SLC7A14: variants seen among roughly 807,000 people sequenced by gnomAD.
SLC7A14 encodes the protein solute carrier family 7 member 14.
A neutral mutation model predicts 60.2 loss-of-function variants in SLC7A14; 37 were observed. The ratio of observed to expected loss-of-function variants is 0.61; its 90% CI spans 0.47 to 0.81. SLC7A14 has a LOEUF of 0.81. Ranked by LOEUF, SLC7A14 falls within the 30% of genes least tolerant of loss-of-function variation. The pLI is 0.00. For synonymous variants in SLC7A14, 399 were observed against 395.8 expected (o/e 1.01, Z -0.10); for missense variants, 886 against 982.7 (o/e 0.90, Z 1.32).
chr3:170,529,612 C>T (rs1342426378), intron 1 of SLC7A14, among the ~76,000 whole-genome samples: 1 of 152,234 alleles, frequency 6.6e-6, no homozygotes, highest in Non-Finnish European at 1.5e-5. Flanking sequence ...CAGATAAAAT[C>T]AGTCAGTTTC....
At chr3:170,485,758 A>G (rs963613361) in intron 5 of SLC7A14, among the ~76,000 whole-genome samples, 5 of 152,110 alleles carry the variant, frequency 3.3e-5, no homozygotes, top group Non-Finnish European at 5.9e-5. Flanking sequence ...AGGGGAAGAG[A>G]GTTTGTAGAG....
chr3:170,519,547 C>T (rs768243388), intron 2 of SLC7A14, among the ~76,000 whole-genome samples: 19 of 152,158 alleles, frequency 1.2e-4, no homozygotes, highest in Non-Finnish European at 2.1e-4. Context: ...GAGGTCAAGG[C>T]GGGCAGATCA....
chr3:170,532,743 T>G lies in SLC7A14; in HGVS notation c.-152-5655A>C, dbSNP rs757758718. Reference sequence around the variant, plus strand: ...CACCACCTTCACCTCCTTAGGCAGCTCTCAGAGGGCCCTTGGCCTGATGCC... The same window carrying G: ...CACCACCTTCACCTCCTTAGGCAGCGCTCAGAGGGCCCTTGGCCTGATGCC... On this transcript the variant is annotated intron_variant, in intron 1 of 7. Coordinates refer to ENST00000231706, the MANE Select transcript of SLC7A14 (RefSeq NM_020949.3). The surrounding 1 kb of genome is among the most constrained non-coding windows in gnomAD (Gnocchi z 4.0). 2.6e-5 allele frequency among the ~76,000 whole-genome samples: 4 copies of G among 151,880 alleles called. No homozygotes were observed. Among genetic ancestry groups the G allele is most frequent in the Non-Finnish European group, 4.4e-5 (3 of 67,972 alleles).
At chr3:170,510,859 C>T (rs16855196) in intron 2 of SLC7A14, among the ~76,000 whole-genome samples, 1,979 of 152,262 alleles carry the variant, frequency 0.013, 41 homozygotes, top group African/African-American at 0.045. Context: ...AAGGTGAAGG[C>T]GCATGTTTTC....
chr3:170,572,154 C>T (rs1714976892), intron 1 of SLC7A14, among the ~76,000 whole-genome samples: 1 of 151,822 alleles, frequency 6.6e-6, no homozygotes, highest in African/African-American at 2.4e-5. Flanking sequence ...GCCTAATTCT[C>T]TGCTAAGGCA....
chr3:170,473,956 G>C (rs1052177816), intron 7 of SLC7A14, among the ~76,000 whole-genome samples: 5 of 152,142 alleles, frequency 3.3e-5, no homozygotes, highest in Admixed American at 2.6e-4. Flanking sequence ...GAAAAAACCT[G>C]GTAGTCTGAG....
chr3:170,510,394 A>T (rs1180177172), intron 2 of SLC7A14, among the ~76,000 whole-genome samples: 1 of 142,262 alleles, frequency 7.0e-6, no homozygotes, highest in African/African-American at 2.7e-5. Context: ...TGTCAAAAAA[A>T]AAAAAATAAA....
intron 2 of SLC7A14, among the ~76,000 whole-genome samples, chr3:170,524,745 T>C (rs1713440536): frequency 6.6e-6 from 1 of 152,232 alleles, no homozygotes; most frequent in South Asian, 2.1e-4. Context: ...CCAAAATTCA[T>C]CCATGTGAGT....
At chr3:170,540,579 G>A (rs373265765) in intron 1 of SLC7A14, among the ~76,000 whole-genome samples, 1 of 152,134 alleles carries the variant, frequency 6.6e-6, no homozygotes, top group South Asian at 2.1e-4. Flanking sequence ...CTAGCTTCTG[G>A]TGTCTCCTTT....
At chr3:170,488,758 T>C (rs111928648) in intron 4 of SLC7A14, among the ~76,000 whole-genome samples, 9 of 152,194 alleles carry the variant, frequency 5.9e-5, no homozygotes, top group Non-Finnish European at 1.2e-4. Context: ...AAGAAAACAT[T>C]GGGGGAAAAT....
intron 5 of SLC7A14, among the ~76,000 whole-genome samples, chr3:170,483,972 C>T (rs140567294): frequency 4.1e-3 from 618 of 152,274 alleles, no homozygotes; most frequent in South Asian, 0.015. Context: ...GGGTTTTATC[C>T]GTACTCCCTC....
intron 1 of SLC7A14, 29 bp from the exon 2 acceptor site, chr3:170,527,117 A>C: frequency 1.5e-6 from 1 of 652,500 alleles, no homozygotes; most frequent in Non-Finnish European, 2.6e-6. Context: ...AAAGCAGAAG[A>C]TGAGACCGAG....
At chr3:170,489,160 A>G (rs187288846) in intron 4 of SLC7A14, among the ~76,000 whole-genome samples, 21 of 152,382 alleles carry the variant, frequency 1.4e-4, no homozygotes, top group African/African-American at 5.0e-4. Context: ...CAACCAACAA[A>G]GTGAAGAGAC....
At chr3:170,551,631 T>A (rs548605927) in intron 1 of SLC7A14, among the ~76,000 whole-genome samples, 1 of 152,368 alleles carries the variant, frequency 6.6e-6, no homozygotes, top group African/African-American at 2.4e-5. Context: ...GTGGTTTTAC[T>A]TTTATTTCCC....
chr3:170,523,802 A>G (rs1197109185), intron 2 of SLC7A14, among the ~76,000 whole-genome samples: 1 of 152,192 alleles, frequency 6.6e-6, no homozygotes, highest in Non-Finnish European at 1.5e-5. Context: ...AGGTGAAACA[A>G]TATGGGGATG....
At chr3:170,493,550 G>A (rs2108275843) in intron 4 of SLC7A14, among the ~76,000 whole-genome samples, 1 of 152,320 alleles carries the variant, frequency 6.6e-6, no homozygotes, top group African/African-American at 2.4e-5. Flanking sequence ...CAGGGGTAGA[G>A]GTAAGGGTTT....
intron 2 of SLC7A14, among the ~76,000 whole-genome samples, chr3:170,505,847 C>T (rs1346853162): frequency 6.6e-6 from 1 of 151,250 alleles, no homozygotes; most frequent in East Asian, 1.9e-4. Flanking sequence ...GAGATTATGC[C>T]ACTGCACTCC....
chr3:170,496,089 G>C, intron 4 of SLC7A14: 1 of 1,235,222 alleles, frequency 8.1e-7, no homozygotes, highest in Non-Finnish European at 1.2e-6. Context: ...GCTGACTGAC[G>C]AGATCAACTT....
chr3:170,512,710 C>A (rs1166665288), intron 2 of SLC7A14, among the ~76,000 whole-genome samples: 5 of 126,394 alleles, frequency 4.0e-5, no homozygotes, highest in Non-Finnish European at 1.6e-5. Flanking sequence ...GTCGCCCAGG[C>A]TGGAGTGCAG....
Sources: allele counts gnomAD v4.1 joint callset (sites outside exome capture counted in the v4.1 genomes callset), GRCh38; gene constraint gnomAD v4.1.1; non-coding constraint Gnocchi (gnomAD v3.1); transcripts MANE v1.5; gene names NCBI Gene and HGNC (gene_info 2026-07-23, HGNC 2026-07-21).